The following SLC25A24 variants were observed in gnomAD, a reference collection of about 807,000 sequenced individuals.
The protein encoded by SLC25A24 is mitochondrial adenyl nucleotide antiporter SLC25A24.
A neutral mutation model predicts 60.7 loss-of-function variants in SLC25A24; 49 were observed. The ratio of observed to expected loss-of-function variants is 0.81; its 90% CI spans 0.64 to 1.02. The LOEUF (loss-of-function observed/expected upper bound fraction) is 1.02. SLC25A24 is among the 50% of genes least tolerant of loss of function. The pLI is 0.00. For synonymous variants in SLC25A24, 202 were observed against 200.6 expected (o/e 1.01, Z -0.06); for missense variants, 564 against 586.3 (o/e 0.96, Z 0.39).
intron 9 of SLC25A24, among the ~76,000 whole-genome samples, chr1:108,138,110 C>T (rs1230228035): frequency 6.6e-6 from 1 of 152,240 alleles, no homozygotes; most frequent in Non-Finnish European, 1.5e-5. Context: ...TAGCTCCTTG[C>T]TCTGTGCTCC....
chr1:108,165,616 C>G (rs964809069), intron 3 of SLC25A24, among the ~76,000 whole-genome samples: 3 of 151,908 alleles, frequency 2.0e-5, no homozygotes, highest in African/African-American at 7.3e-5. Flanking sequence ...GGATTGCAAC[C>G]CCTGTCTTTT....
At chr1:108,144,892 C>T (rs1043636950) in intron 7 of SLC25A24, among the ~76,000 whole-genome samples, 3 of 152,112 alleles carry the variant, frequency 2.0e-5, no homozygotes, top group Non-Finnish European at 4.4e-5. Flanking sequence ...AATAAATATA[C>T]GTGTGCATGT....
intron 4 of SLC25A24, among the ~76,000 whole-genome samples, chr1:108,159,504 T>C (rs1679996428): frequency 6.6e-6 from 1 of 150,640 alleles, no homozygotes; most frequent in Admixed American, 6.6e-5. Context: ...TCTTGGGTGT[T>C]TCTCGCAGAG....
chr1:108,160,547 T>C (rs1392866074), intron 4 of SLC25A24, among the ~76,000 whole-genome samples: 1 of 150,910 alleles, frequency 6.6e-6, no homozygotes, highest in Non-Finnish European at 1.5e-5. Flanking sequence ...CCAGACGGGG[T>C]GGCGGCTGGG....
chr1:108,199,263 G>C (rs1294097444), intron 1 of SLC25A24: 1 of 152,188 alleles, frequency 6.6e-6, no homozygotes, highest in Non-Finnish European at 1.5e-5. Flanking sequence ...GTCAGGGAAC[G>C]CTTCAACAGG....
chr1:108,180,616 ATCTCTCTCTCTC>A (rs3043349), intron 3 of SLC25A24, among the ~76,000 whole-genome samples: 953 of 61,772 alleles, frequency 0.015, 15 homozygotes, highest in East Asian at 0.06. Context: ...CAAGAGAAAG[ATCTCTCTCTCTC>A]TCTCTCTCTC....
At chr1:108,161,956 C>A (rs1222325614) in intron 3 of SLC25A24, among the ~76,000 whole-genome samples, 3 of 132,324 alleles carry the variant, frequency 2.3e-5, no homozygotes, top group African/African-American at 8.3e-5. Context: ...CTCCCCCCAC[C>A]CCACAACAGT....
intron 8 of SLC25A24, among the ~76,000 whole-genome samples, chr1:108,140,468 A>G (rs570548583): frequency 7.9e-5 from 12 of 152,276 alleles, no homozygotes; most frequent in South Asian, 4.1e-4. Flanking sequence ...GTAAAGGTCA[A>G]TATTTAGAAT....
In SLC25A24 at chr1:108,200,220, C is replaced by G; in HGVS notation, c.-82G>C. On this transcript the variant is annotated 5_prime_UTR_variant, in exon 1 of 10. Coordinates refer to ENST00000565488, the MANE Select transcript of SLC25A24 (RefSeq NM_013386.5). ...GGGCGAGACCGGGACCAGCGCGAGG[C>G]CGGGCTGGGCGGGGCGCGCGGCGCA... 1 of 1,326,966 alleles carries G rather than the reference C, an allele frequency of 7.5e-7. No homozygotes were observed. The allele number at this position is 1,326,966 out of a possible 1,614,324, so 82.2% of individuals were successfully genotyped here.
chr1:108,187,935 T>TATATATATATATATAG (rs1553256786), intron 1 of SLC25A24, among the ~76,000 whole-genome samples: 1 of 82,238 alleles, frequency 1.2e-5, no homozygotes, highest in Admixed American at 1.1e-4. Context: ...TAGATATATA[T>TATATATATATATATAG]ATATATATAT....
Position 108,136,678 on chromosome 1 carries a change from T to C in SLC25A24, c.1409A>G (p.Gln470Arg), listed in dbSNP as rs1271993657. ...ISYVVYENMK[Q>R]TLGVTQK The stretch of plus-strand genomic sequence containing the variant: ...TCATTTCTGGGTTACTCCTAAAGTT[T>C]GCTTCATATTTTCATAAACCACATA... Residue 470 changes from glutamine (Q) to arginine (R), a missense_variant, in exon 10 of 10, where the codon CAA becomes CGA. Physicochemically the swap from Gln to Arg is conservative, Grantham distance 43. Coordinates refer to ENST00000565488, the MANE Select transcript of SLC25A24 (RefSeq NM_013386.5). 2 of 1,613,690 alleles carry C rather than the reference T, an allele frequency of 1.2e-6. No individual in the cohort carries two copies. Among genetic ancestry groups the C allele is most frequent in the South Asian group, 2.2e-5 (2 of 90,912 alleles).
intron 9 of SLC25A24, 31 bp downstream of exon 9, chr1:108,139,027 T>A (rs755123378): frequency 6.6e-7 from 1 of 1,516,626 alleles, no homozygotes; most frequent in East Asian, 2.4e-5. Context: ...GCAGCACTTT[T>A]ATCGGTGTGG....
chr1:108,195,449 C>T (rs1239423473), intron 1 of SLC25A24, among the ~76,000 whole-genome samples: 1 of 152,100 alleles, frequency 6.6e-6, no homozygotes, highest in Non-Finnish European at 1.5e-5. Flanking sequence ...AAGAATTCTT[C>T]CATTTTTTTC....
At chr1:108,187,927 G>GATATATATATAGATATATATATATAT (rs1553256781) in intron 1 of SLC25A24, among the ~76,000 whole-genome samples, 1 of 95,748 alleles carries the variant, frequency 1.0e-5, no homozygotes, top group African/African-American at 4.2e-5. Context: ...AGACATTATA[G>GATATATATATAGATATATATATATAT]ATATATATAT....
At chr1:108,139,030 C>A in intron 9 of SLC25A24, 28 bp downstream of exon 9, 1 of 1,516,030 alleles carries the variant, frequency 6.6e-7, no homozygotes. Context: ...GCACTTTTAT[C>A]GGTGTGGTTC....
chr1:108,155,598 G>C (rs1679875946), intron 5 of SLC25A24, among the ~76,000 whole-genome samples: 1 of 151,912 alleles, frequency 6.6e-6, no homozygotes, highest in South Asian at 2.1e-4. Context: ...CTCTCCTCAA[G>C]AAGTAGTACA....
Position 108,185,958 on chromosome 1 carries a change from TA to T in SLC25A24, c.184-5del, listed in dbSNP as rs748277671. Reference sequence around the variant, plus strand: ...CATCTCCAGTAGTAAAAATTTTCTATAAAAAAAAATTAGAGAGAAGTTATTG... The same window carrying T: ...CATCTCCAGTAGTAAAAATTTTCTATAAAAAAAATTAGAGAGAAGTTATTG... On this transcript the variant is annotated splice_region_variant and splice_polypyrimidine_tract_variant and intron_variant, in intron 1 of 9. Coordinates refer to ENST00000565488, the MANE Select transcript of SLC25A24 (RefSeq NM_013386.5). 337 of 1,536,276 alleles carry T rather than the reference TA, an allele frequency of 2.2e-4. 1 individual carries two copies. Among genetic ancestry groups the T allele is most frequent in the Admixed American group, 4.1e-4 (21 of 50,938 alleles).
chr1:108,155,624 TG>T (rs1679876671), intron 5 of SLC25A24, among the ~76,000 whole-genome samples: 1 of 152,040 alleles, frequency 6.6e-6, no homozygotes, highest in Non-Finnish European at 1.5e-5. Context: ...GAACTGTAAA[TG>T]GGTCTGAAAT....
At chr1:108,183,417 C>G (rs1032343084) in intron 2 of SLC25A24, among the ~76,000 whole-genome samples, 2 of 152,216 alleles carry the variant, frequency 1.3e-5, no homozygotes, top group African/African-American at 4.8e-5. Context: ...CCATAAAGTT[C>G]TATATTCATT....
Sources: gnomAD v4.1 joint callset for allele counts (sites outside exome capture counted in the v4.1 genomes callset) on GRCh38, gnomAD v4.1.1 for gene constraint, MANE v1.5 for transcripts, NCBI Gene and HGNC (gene_info 2026-07-23, HGNC 2026-07-21) for gene names.